The following PRDM16 variants were observed in gnomAD, a reference collection of about 807,000 sequenced individuals.
The protein encoded by PRDM16 is PR/SET domain 16, also known as histone-lysine N-methyltransferase PRDM16.
Under a neutral mutation model 110.6 loss-of-function variants are expected in PRDM16, and 23 were observed. The ratio of observed to expected loss-of-function variants is 0.21; its 90% CI spans 0.15 to 0.29. PRDM16 has a LOEUF of 0.29. Ranked by LOEUF, PRDM16 falls within the 10% of genes least tolerant of loss-of-function variation. The probability of loss-of-function intolerance (pLI) is 1.00; values close to 1 mark genes in which losing one functional copy is unlikely to be tolerated. For synonymous variants in PRDM16, 799 were observed against 781.8 expected (o/e 1.02, Z -0.37); for missense variants, 1,615 against 1,794.3 (o/e 0.90, Z 1.81).
chr1:3,389,426 G>A (rs1030058022), intron 4 of PRDM16, among the ~76,000 whole-genome samples: 7 of 152,230 alleles, frequency 4.6e-5, no homozygotes, highest in South Asian at 2.1e-4. Flanking sequence ...TCCCTATGGC[G>A]TGGGGCTGAG....
At chr1:3,340,032 G>C (rs1042471272) in intron 3 of PRDM16, among the ~76,000 whole-genome samples, 3 of 152,216 alleles carry the variant, frequency 2.0e-5, no homozygotes, top group Admixed American at 6.5e-5. Context: ...AATGGCAGGC[G>C]ATCTCTGCTG....
chr1:3,086,763 C>G (rs1334727331), intron 1 of PRDM16, among the ~76,000 whole-genome samples: 4 of 152,166 alleles, frequency 2.6e-5, no homozygotes. Flanking sequence ...TCTGCCGGGG[C>G]TTGCTGTCTT....
chr1:3,137,831 C>G (rs1324424379), intron 1 of PRDM16, among the ~76,000 whole-genome samples: 1 of 152,226 alleles, frequency 6.6e-6, no homozygotes, highest in African/African-American at 2.4e-5. Flanking sequence ...CTCGCTTGTC[C>G]GGAGGTCCCT....
intron 2 of PRDM16, among the ~76,000 whole-genome samples, chr1:3,228,180 A>G (rs1639335048): frequency 6.6e-6 from 1 of 152,198 alleles, no homozygotes; most frequent in Non-Finnish European, 1.5e-5. Context: ...CCTTCCCGGG[A>G]CTGAAGCCTG....
chr1:3,175,983 G>GCAGC lies in PRDM16; in HGVS notation c.38-10115_38-10112dup, dbSNP rs77977474. On this transcript the variant is annotated intron_variant, in intron 1 of 16. Transcript: ENST00000270722. The surrounding 1 kb of genome is among the most constrained non-coding windows in gnomAD (Gnocchi z 4.8). ...TCCACTCACTCACCCATCCATCCAT[G>GCAGC]CAGCCAGCCAGCCAGCCAGCCAGCC... 0.26 allele frequency among the ~76,000 whole-genome samples: 32,328 copies of GCAGC among 124,888 alleles called. 3,860 individuals are homozygous for GCAGC. Among genetic ancestry groups the GCAGC allele is most frequent in the Admixed American group, 0.33 (4,030 of 12,318 alleles). 81.9% of individuals were successfully genotyped at this position (124,888 alleles called of 152,430 possible). A position where few individuals can be genotyped will look rare whatever the true frequency, so the allele number is the denominator to read the frequency against.
At chr1:3,202,550 C>G (rs1298720872) in intron 2 of PRDM16, among the ~76,000 whole-genome samples, 1 of 152,214 alleles carries the variant, frequency 6.6e-6, no homozygotes, top group Non-Finnish European at 1.5e-5. Context: ...TGCTCTCTGG[C>G]TGCGCTGCCC....
At chr1:3,087,852 C>T (rs1642186094) in intron 1 of PRDM16, among the ~76,000 whole-genome samples, 1 of 152,048 alleles carries the variant, frequency 6.6e-6, no homozygotes, top group Admixed American at 6.6e-5. Flanking sequence ...ATCAATTTTC[C>T]AGGGAGGGAG....
intron 1 of PRDM16, among the ~76,000 whole-genome samples, chr1:3,071,209 C>T (rs889070018): frequency 2.6e-4 from 40 of 152,380 alleles, no homozygotes; most frequent in Middle Eastern, 3.4e-3. Context: ...GAGGCGGACT[C>T]GGCGCACCCG....
intron 3 of PRDM16, among the ~76,000 whole-genome samples, chr1:3,252,706 T>C (rs1639962268): frequency 6.6e-6 from 1 of 151,992 alleles, no homozygotes; most frequent in South Asian, 2.1e-4. Flanking sequence ...AGACTACTTC[T>C]CTGGTGGGGG....
At chr1:3,392,799 G>A (rs920023466) in intron 4 of PRDM16, among the ~76,000 whole-genome samples, 11 of 152,090 alleles carry the variant, frequency 7.2e-5, no homozygotes, top group South Asian at 2.1e-4. Flanking sequence ...GGCTCTTCTC[G>A]GGCAATTTCT....
At chr1:3,238,096 G>A (rs1639579150) in intron 2 of PRDM16, 1 of 152,332 alleles carries the variant, frequency 6.6e-6, no homozygotes. Context: ...GGTTTGGAAG[G>A]TAGGGCTTAG....
rs565893132 is a variant in PRDM16, at chr1:3,407,795, G to C, written c.1186+2147G>C. 1.4e-4 allele frequency among the ~76,000 whole-genome samples: 22 copies of C among 152,322 alleles called. No individual in the cohort carries two copies. In the South Asian group the frequency reaches 4.6e-3, roughly 32 times the overall value. ...CACTGCAGGCTGCTCCCCATCCCTC[G>C]TGGATGGAGTGAGGACAGGGAAACT... On this transcript the variant is annotated intron_variant, in intron 8 of 16. Coordinates refer to ENST00000270722, the MANE Select transcript of PRDM16 (RefSeq NM_022114.4).
In PRDM16 at chr1:3,083,843, A is replaced by G. The variant is rs571437595; in HGVS notation, c.37+14547A>G. Among the ~76,000 whole-genome samples, 6 of 152,288 alleles carry G rather than the reference A, an allele frequency of 3.9e-5. No homozygotes were observed. The East Asian group carries it at 1.2e-3, about 29-fold the overall frequency. On this transcript the variant is annotated intron_variant, in intron 1 of 16. Transcript: ENST00000270722. ...GGACACCCTTTGGACTTGCCCAGGG[A>G]ACTGCAGGAGAGAGGGGCTTCACCG...
chr1:3,300,275 C>T, intron 3 of PRDM16, among the ~76,000 whole-genome samples: 1 of 97,162 alleles, frequency 1.0e-5, no homozygotes, highest in Non-Finnish European at 2.3e-5. Context: ...ATGCTGTGGC[C>T]ATGATGTTTC....
chr1:3,351,106 C>T (rs1642471467), intron 3 of PRDM16, among the ~76,000 whole-genome samples: 1 of 152,122 alleles, frequency 6.6e-6, no homozygotes, highest in African/African-American at 2.4e-5. Context: ...CTGGGCCAGA[C>T]GTTTTGGGGG....
chr1:3,102,471 A>ACCGCAT (rs1232927064), intron 1 of PRDM16, among the ~76,000 whole-genome samples: 2 of 152,018 alleles, frequency 1.3e-5, no homozygotes, highest in Non-Finnish European at 2.9e-5. Flanking sequence ...AATCCTCAAA[A>ACCGCAT]CCGCATCCCC....
At chr1:3,114,318 C>G (rs1642886134) in intron 1 of PRDM16, among the ~76,000 whole-genome samples, 1 of 139,104 alleles carries the variant, frequency 7.2e-6, no homozygotes, top group Admixed American at 7.3e-5. Flanking sequence ...CACACACGCA[C>G]ACACGCAGTG....
intron 2 of PRDM16, among the ~76,000 whole-genome samples, chr1:3,199,952 TC>T (rs1638577519): frequency 6.6e-6 from 1 of 152,254 alleles, no homozygotes; most frequent in East Asian, 1.9e-4. Context: ...TCCGTCTCTC[TC>T]CCCCCACCAG....
chr1:3,173,396 G>T (rs1644050213), intron 1 of PRDM16, among the ~76,000 whole-genome samples: 1 of 152,256 alleles, frequency 6.6e-6, no homozygotes, highest in Non-Finnish European at 1.5e-5. Flanking sequence ...TCTGAAATGG[G>T]AACGCTGCTG....
Sources: allele counts gnomAD v4.1 joint callset (sites outside exome capture counted in the v4.1 genomes callset), GRCh38; gene constraint gnomAD v4.1.1; non-coding constraint Gnocchi (gnomAD v3.1); transcripts MANE v1.5; gene names NCBI Gene and HGNC (gene_info 2026-07-23, HGNC 2026-07-21).